Variants in CLVS1 observed in about 807,000 individuals in gnomAD.
CLVS1 encodes the protein clavesin 1.
A neutral mutation model predicts 33.1 loss-of-function variants in CLVS1; 10 were observed. The observed-to-expected ratio is 0.30, with a 90% CI of 0.19 to 0.51. The LOEUF is 0.51. Ranked by LOEUF, CLVS1 falls within the 20% of genes least tolerant of loss-of-function variation. CLVS1 has a pLI of 0.97. For synonymous variants in CLVS1, 163 were observed against 166.1 expected, an observed-to-expected ratio of 0.98 and a Z score of 0.14; for missense variants, 343 against 433.4, an observed-to-expected ratio of 0.79 and a Z score of 1.85.
chr8:60,967,868 A>AATC, the CLVS1 span: 16 of 332,832 alleles, frequency 4.8e-5, no homozygotes, highest in African/African-American at 2.6e-4. Context: ...TTAAAGTGAC[A>AATC]ATCCTACATT....
chr8:61,192,353 T>C (rs1375628938), intron 2 of CLVS1, among the ~76,000 whole-genome samples: 2 of 152,164 alleles, frequency 1.3e-5, no homozygotes, highest in African/African-American at 4.8e-5. Context: ...ATCCCTTCCT[T>C]ACACCTTATA....
chr8:61,271,806 A>C (rs1809443991), intron 2 of CLVS1, among the ~76,000 whole-genome samples: 1 of 149,236 alleles, frequency 6.7e-6, no homozygotes, highest in Non-Finnish European at 1.5e-5. Flanking sequence ...TGTTGGTTTA[A>C]AGTCTGTTTT....
At chr8:61,324,180 C>T (rs1420955504) in intron 2 of CLVS1, among the ~76,000 whole-genome samples, 1 of 151,924 alleles carries the variant, frequency 6.6e-6, no homozygotes, top group East Asian at 1.9e-4. Context: ...GTGTCCCCAC[C>T]CAAATCTTTT....
chr8:61,285,602 C>G (rs1191482676), upstream of CLVS1, among the ~76,000 whole-genome samples: 1 of 152,156 alleles, frequency 6.6e-6, no homozygotes, highest in Non-Finnish European at 1.5e-5. Context: ...CTGGCACGCC[C>G]AACTCAGTAC....
At chr8:61,332,800 C>T (rs1379256274) in intron 2 of CLVS1, among the ~76,000 whole-genome samples, 3 of 152,058 alleles carry the variant, frequency 2.0e-5, no homozygotes, top group African/African-American at 7.2e-5. Flanking sequence ...CACCACCATG[C>T]CCGGGTAGGT....
chr8:61,484,401 T>G (rs1803791217), intron 5 of CLVS1, among the ~76,000 whole-genome samples: 1 of 152,106 alleles, frequency 6.6e-6, no homozygotes, highest in Admixed American at 6.5e-5. Context: ...GTGAAGGACT[T>G]ATTCAAGGAG....
chr8:61,401,479 T>G (rs1008858912), intron 3 of CLVS1, among the ~76,000 whole-genome samples: 1 of 152,148 alleles, frequency 6.6e-6, no homozygotes, highest in African/African-American at 2.4e-5. Context: ...CACCACCACC[T>G]TATTTTAAAA....
chr8:61,265,520 C>T (rs375435571), intron 2 of CLVS1, among the ~76,000 whole-genome samples: 1 of 152,182 alleles, frequency 6.6e-6, no homozygotes, highest in Admixed American at 6.5e-5. Context: ...CCTAACACAT[C>T]GTCAATTCTA....
intron 3 of CLVS1, among the ~76,000 whole-genome samples, chr8:61,403,280 TG>T (rs1814842829): frequency 6.6e-6 from 1 of 152,190 alleles, no homozygotes; most frequent in Non-Finnish European, 1.5e-5. Flanking sequence ...CGGTATGGGA[TG>T]GGTCAGAGAG....
rs368171074 is a variant in CLVS1, at chr8:61,272,782, A to G, written c.-151-26895A>G. Among the ~76,000 whole-genome samples, 6 of 152,198 alleles carry G rather than the reference A, an allele frequency of 3.9e-5. 1 individual carries two copies. Among genetic ancestry groups the G allele is most frequent in the South Asian group, 4.1e-4 (2 of 4,824 alleles). On this transcript the variant is annotated intron_variant, in intron 2 of 2. Transcript: ENST00000522621. ...CTGATACCCTTTCTTCCAGTTGATC[A>G]CATCGGCTCCTGAGGCTTCTGCATT... is the stretch of plus-strand genomic sequence containing the variant.
At chr8:61,247,329 T>A (rs1159295473) in intron 2 of CLVS1, among the ~76,000 whole-genome samples, 1 of 152,172 alleles carries the variant, frequency 6.6e-6, no homozygotes, top group Non-Finnish European at 1.5e-5. Context: ...GGGATTGCTG[T>A]GTCAAATGGT....
At chr8:61,174,870 T>C (rs1248340929) in intron 2 of CLVS1, among the ~76,000 whole-genome samples, 1 of 152,246 alleles carries the variant, frequency 6.6e-6, no homozygotes, top group Non-Finnish European at 1.5e-5. Flanking sequence ...TTATCATTAC[T>C]CTATTCTATA....
the CLVS1 span, among the ~76,000 whole-genome samples, chr8:61,049,667 C>T: frequency 3.9e-5 from 6 of 152,172 alleles, no homozygotes; most frequent in South Asian, 2.1e-4. Context: ...AGATAGAGGC[C>T]GCAAAGACAC....
chr8:61,142,553 C>G (rs1300113520), intron 2 of CLVS1, among the ~76,000 whole-genome samples: 1 of 152,238 alleles, frequency 6.6e-6, no homozygotes, highest in Non-Finnish European at 1.5e-5. Context: ...ATGCCCGCCT[C>G]TTGCCATCAC....
In CLVS1 at chr8:61,376,736, A is replaced by G. The variant is rs1813659120; in HGVS notation, c.587A>G (p.Lys196Arg). Residue 196 changes from lysine (K) to arginine (R), a missense_variant, in exon 3 of 6, where the codon AAA becomes AGA. By Grantham distance (26) the Lys-to-Arg change is conservative. This residue lies in a region of CLVS1 where 166 missense variants were observed against 244.0 expected (regional missense o/e 0.68). Coordinates refer to ENST00000325897, the MANE Select transcript of CLVS1 (RefSeq NM_173519.3). ...AATTTTTCCTTCAAACAAGCCTCCA[A>G]ACTGACACCTTCAATCCTTAAACTG... is the stretch of plus-strand genomic sequence containing the variant. ...WSNFSFKQASKLTPSILKLAI... is the reference protein window; with the variant it reads ...WSNFSFKQASRLTPSILKLAI... 4 of 1,614,144 alleles carry G rather than the reference A, an allele frequency of 2.5e-6. No individual in the cohort carries two copies. The highest frequency in any genetic ancestry group is 2.7e-5 in the African/African-American group (2 of 75,062).
At chr8:61,455,260 ATTATTAC>A (rs1416607393) in intron 4 of CLVS1, among the ~76,000 whole-genome samples, 2 of 151,830 alleles carry the variant, frequency 1.3e-5, no homozygotes, top group Non-Finnish European at 2.9e-5. Context: ...ACAATACAAT[ATTATTAC>A]TTATTACAGT....
intron 2 of CLVS1, among the ~76,000 whole-genome samples, chr8:61,367,382 A>G (rs1813255004): frequency 6.6e-6 from 1 of 152,168 alleles, no homozygotes; most frequent in Non-Finnish European, 1.5e-5. Flanking sequence ...TCTACACGCT[A>G]AGCTCTTACT....
chr8:61,363,009 A>G (rs1813049636), intron 2 of CLVS1, among the ~76,000 whole-genome samples: 1 of 152,178 alleles, frequency 6.6e-6, no homozygotes, highest in African/African-American at 2.4e-5. Context: ...AATGGAAAAA[A>G]GATAGGTAAC....
intron 2 of CLVS1, among the ~76,000 whole-genome samples, chr8:61,162,454 A>G (rs745348844): frequency 1.3e-5 from 2 of 152,218 alleles, no homozygotes; most frequent in Admixed American, 6.5e-5. Context: ...TCTGCAGTTG[A>G]GAGAAACTAG....
Sources: gnomAD v4.1 joint callset for allele counts (sites outside exome capture counted in the v4.1 genomes callset) on GRCh38, gnomAD v4.1.1 for gene constraint, gnomAD v4.1.1 regional missense constraint, MANE v1.5 for transcripts, NCBI Gene and HGNC (gene_info 2026-07-23, HGNC 2026-07-21) for gene names.